Variants in DET1 observed in about 807,000 individuals in gnomAD.
DET1 encodes the protein DET1 partner of COP1 E3 ubiquitin ligase, also known as DET1 homolog.
In DET1, 22 loss-of-function variants were observed where a neutral mutation model predicts 43.7. That is an observed-to-expected ratio of 0.50 (90% CI 0.36 to 0.72). The LOEUF (loss-of-function observed/expected upper bound fraction) is 0.72. DET1 is among the 30% of genes least tolerant of loss of function. The pLI is 0.00. For synonymous variants in DET1, 315 were observed against 266.2 expected, an observed-to-expected ratio of 1.18 and a Z score of -1.79; for missense variants, 713 against 713.3, an observed-to-expected ratio of 1.00 and a Z score of 0.00.
chr15:88,533,985 T>C (rs1343744559), intron 1 of DET1, among the ~76,000 whole-genome samples: 1 of 151,882 alleles, frequency 6.6e-6, no homozygotes, highest in Non-Finnish European at 1.5e-5. Context: ...GAAGGTGCTG[T>C]TGAATGGGTT....
chr15:88,508,510 C>T (rs1201227720), downstream of DET1, among the ~76,000 whole-genome samples: 1 of 152,038 alleles, frequency 6.6e-6, no homozygotes, highest in African/African-American at 2.4e-5. Context: ...GACCAAGAAG[C>T]AACAATCATT....
intron 8 of DET1, chr15:88,501,979 T>C (rs1347865814): frequency 2.0e-5 from 3 of 152,238 alleles, no homozygotes; most frequent in Admixed American, 6.5e-5. Flanking sequence ...TTTGGTTACA[T>C]GCATGAACTG....
rs527483689 is a variant in DET1, at chr15:88,514,929, G to T, written c.1464-1789C>A. The stretch of plus-strand genomic sequence containing the variant: ...TCCAATTAGAAAGGTAGGAAAGTCA[G>T]AAAGGAGAGAGAAATGTATCTCATG... On this transcript the variant is annotated intron_variant, in intron 4 of 4. Coordinates refer to ENST00000268148, the MANE Select transcript of DET1 (RefSeq NM_001144074.3). 3.3e-5 allele frequency among the ~76,000 whole-genome samples: 5 copies of T among 152,240 alleles called. No homozygotes were observed. In the South Asian group the frequency reaches 1.0e-3, roughly 32 times the overall value.
chr15:88,518,682 C>T (rs2056412390), intron 3 of DET1, among the ~76,000 whole-genome samples: 1 of 152,172 alleles, frequency 6.6e-6, no homozygotes, highest in African/African-American at 2.4e-5. Context: ...TATGGTTCAA[C>T]AATCAAGGGG....
chr15:88,531,385 A>G lies in DET1; in HGVS notation c.321T>C (p.Asn107=). Reference sequence around the variant, plus strand: ...TATTCACTGACCGCTGGTCATTGCCATTGGACAGGATTTCTCCTTCGTATC... The same window carrying G: ...TATTCACTGACCGCTGGTCATTGCCGTTGGACAGGATTTCTCCTTCGTATC... The part of the protein sequence containing the change: ...LQGYEGEILS[N]GNDQRSVNIR... The change falls in exon 2 of 5, where the codon AAT becomes AAC. Residue 107 remains asparagine, a synonymous_variant. Transcript: ENST00000268148. This position sits in a 1 kb window ranked among gnomAD's most constrained non-coding sequence, Gnocchi z 6.2. 1 of 1,614,034 alleles carries G rather than the reference A, an allele frequency of 6.2e-7. No homozygotes were observed. Among genetic ancestry groups the G allele is most frequent in the Non-Finnish European group, 8.5e-7 (1 of 1,179,900 alleles).
Position 88,531,578 on chromosome 15 carries a change from T to A in DET1, c.128A>T (p.His43Leu). 6.2e-7 allele frequency: 1 copy of A among 1,614,028 alleles called. No homozygotes were observed. The highest frequency in any genetic ancestry group is 8.5e-7 in the Non-Finnish European group (1 of 1,179,886). The change falls in exon 2 of 5, where the codon CAT becomes CTT. Residue 43 changes from histidine to leucine, a missense_variant. Physicochemically the swap from His to Leu is moderately conservative, Grantham distance 99. Coordinates refer to ENST00000268148, the MANE Select transcript of DET1 (RefSeq NM_001144074.3). This position sits in a 1 kb window ranked among gnomAD's most constrained non-coding sequence, Gnocchi z 6.2. ...TGTGAAGTTGGGGAAGACATTCTGA[T>A]GGAACACTCGGACTTGGTGCCAGTG... is the stretch of plus-strand genomic sequence containing the variant. ...GTHWHQVRVF[H>L]QNVFPNFTVV...
At chr15:88,535,103 G>A (rs753514814) in intron 1 of DET1, among the ~76,000 whole-genome samples, 4 of 152,236 alleles carry the variant, frequency 2.6e-5, no homozygotes, top group South Asian at 2.1e-4. Context: ...AGAAACAGAA[G>A]ATATTTCTTA....
chr15:88,536,411 A>T (rs1462338138), intron 1 of DET1: 1 of 711,668 alleles, frequency 1.4e-6, no homozygotes, highest in Non-Finnish European at 2.6e-6. Context: ...AGCGCTCATA[A>T]ATATGTTAAA....
At chr15:88,528,822 C>T (rs1156576552) in intron 2 of DET1, among the ~76,000 whole-genome samples, 2 of 152,162 alleles carry the variant, frequency 1.3e-5, no homozygotes, top group Admixed American at 6.5e-5. Flanking sequence ...GTAATTAGTC[C>T]TTCTCAGAGC....
downstream of DET1, chr15:88,511,293 G>T (rs931255597): frequency 1.4e-5 from 8 of 561,052 alleles, no homozygotes; most frequent in Non-Finnish European, 1.8e-5. Flanking sequence ...TGTGAAATTC[G>T]TATTATGTCT....
chr15:88,543,181 G>T (rs75738546), intron 1 of DET1, among the ~76,000 whole-genome samples: 1 of 152,134 alleles, frequency 6.6e-6, no homozygotes, highest in African/African-American at 2.4e-5. Flanking sequence ...TGCTAAGGGG[G>T]TGCTTACTCA....
At chr15:88,544,216 C>G (rs1456398064) in intron 1 of DET1, among the ~76,000 whole-genome samples, 3 of 152,104 alleles carry the variant, frequency 2.0e-5, no homozygotes, top group African/African-American at 7.2e-5. Flanking sequence ...GCCTATCGAC[C>G]CCAGAGCTCT....
At chr15:88,515,525 A>G (rs528784784) in intron 4 of DET1, among the ~76,000 whole-genome samples, 1 of 118,670 alleles carries the variant, frequency 8.4e-6, no homozygotes, top group South Asian at 3.2e-4. Context: ...GGCAACAGAC[A>G]GAGACTCCGT....
In DET1 at chr15:88,537,050, T is replaced by C. The variant is rs373718409; in HGVS notation, c.-10-5335A>G. On this transcript the variant is annotated intron_variant, in intron 1 of 4. Transcript: ENST00000268148. Reference sequence around the variant, plus strand: ...AGGTTCCAAATGCCTTATATAAGTATATATAATACCCAGTCAAGTTAAAAA... The same window carrying C: ...AGGTTCCAAATGCCTTATATAAGTACATATAATACCCAGTCAAGTTAAAAA... Among the ~76,000 whole-genome samples, 15 of 152,268 alleles carry C rather than the reference T, an allele frequency of 9.9e-5. No individual in the cohort carries two copies. In the South Asian group the frequency reaches 2.1e-3, roughly 21 times the overall value.
At position 88,530,591 on chromosome 15, in the gene DET1, A is replaced by G. The variant is rs781449030; in HGVS notation, c.1083+32T>C. On this transcript the variant is annotated intron_variant, in intron 2 of 4. Coordinates refer to ENST00000268148, the MANE Select transcript of DET1 (RefSeq NM_001144074.3). ...ACCTTCCCATTTTGCCAAGGAGATT[A>G]GACAAGTAAAAGGCAGGAGTGTACC... is the stretch of plus-strand genomic sequence containing the variant. 4 of 1,547,846 alleles carry G rather than the reference A, an allele frequency of 2.6e-6. No individual in the cohort carries two copies. The African/African-American group carries it at 4.1e-5, about 16-fold the overall frequency.
Position 88,531,411 on chromosome 15 carries a change from C to T in DET1, c.295G>A (p.Gly99Arg). Residue 99 changes from glycine to arginine, a missense_variant, in exon 2 of 5, where the codon GGA (glycine) becomes AGA (arginine). By Grantham distance (125) the Gly-to-Arg change is moderately radical. Transcript: ENST00000268148. The surrounding 1 kb of genome is among the most constrained non-coding windows in gnomAD (Gnocchi z 6.2). ...GCQAAEDLLQGYEGEILSNGN... is the reference protein window; with the variant it reads ...GCQAAEDLLQRYEGEILSNGN... The stretch of plus-strand genomic sequence containing the variant: ...TTGGACAGGATTTCTCCTTCGTATC[C>T]CTGCAGTAGGTCCTCTGCTGCCTGG... 1 of 1,614,022 alleles carries T rather than the reference C, an allele frequency of 6.2e-7. No individual in the cohort carries two copies. The highest frequency in any genetic ancestry group is 8.5e-7 in the Non-Finnish European group (1 of 1,179,894).
At chr15:88,515,010 C>A (rs147969592) in intron 4 of DET1, among the ~76,000 whole-genome samples, 1 of 151,988 alleles carries the variant, frequency 6.6e-6, no homozygotes, top group Non-Finnish European at 1.5e-5. Context: ...AAACACATAG[C>A]CTTACTCCCA....
intron 3 of DET1, among the ~76,000 whole-genome samples, chr15:88,524,407 C>G (rs544337141): frequency 6.6e-6 from 1 of 152,140 alleles, no homozygotes; most frequent in Admixed American, 6.5e-5. Context: ...CCGGCTGCCC[C>G]GTCTGGGAAG....
chr15:88,530,521 G>C, intron 2 of DET1, 102 bp downstream of exon 2: 1 of 1,496,468 alleles, frequency 6.7e-7, no homozygotes, highest in Non-Finnish European at 8.9e-7. Flanking sequence ...TTCAGACTAC[G>C]TGAAATGTCT....
Sources: gnomAD v4.1 joint callset for allele counts (sites outside exome capture counted in the v4.1 genomes callset) on GRCh38, gnomAD v4.1.1 for gene constraint, Gnocchi (gnomAD v3.1) non-coding constraint, MANE v1.5 for transcripts, NCBI Gene and HGNC (gene_info 2026-07-23, HGNC 2026-07-21) for gene names.